The following SHKBP1 variants were observed in gnomAD, a reference collection of about 807,000 sequenced individuals.
SHKBP1 encodes the protein SH3KBP1 binding protein 1.
SHKBP1 carries 71 observed loss-of-function variants against 83.9 expected under a neutral mutation model. That is an observed-to-expected ratio of 0.85 (90% CI 0.70 to 1.03). The LOEUF is 1.03. Ranked by LOEUF, SHKBP1 falls within the 50% of genes least tolerant of loss-of-function variation. The pLI is 0.00. For missense variants in SHKBP1, 824 were observed against 982.4 expected, an observed-to-expected ratio of 0.84 and a Z score of 2.16; for synonymous variants, 371 against 398.0, an observed-to-expected ratio of 0.93 and a Z score of 0.81.
intron 9 of SHKBP1, among the ~76,000 whole-genome samples, chr19:40,581,321 GC>G (rs2081267975): frequency 6.6e-6 from 1 of 151,818 alleles, no homozygotes. Flanking sequence ...GACCCCCTTG[GC>G]CAACAGGGTG....
At chr19:40,586,742 A>G (rs755197843) in intron 12 of SHKBP1, 32 bp from the exon 13 acceptor site, 2 of 1,499,266 alleles carry the variant, frequency 1.3e-6, no homozygotes, top group Admixed American at 4.4e-5. Context: ...TCTGTGGCCC[A>G]GGCCCTCTCC....
Position 40,589,079 on chromosome 19 carries a change from C to G in SHKBP1, c.1493-3C>G. ...CCCTGACCCCTGCCCCTGCCTGGCC[C>G]AGGCCCCTACGGTGAGCGGGACGAC... On this transcript the variant is annotated splice_region_variant and splice_polypyrimidine_tract_variant and intron_variant, in intron 14 of 17. Transcript: ENST00000291842. 1 of 1,611,664 alleles carries G rather than the reference C, an allele frequency of 6.2e-7. No homozygotes were observed. Among genetic ancestry groups the G allele is most frequent in the Non-Finnish European group, 8.5e-7 (1 of 1,179,974 alleles).
intron 1 of SHKBP1, 44 bp from the exon 2 acceptor site, chr19:40,577,187 C>A (rs201243251): frequency 1.6e-4 from 253 of 1,608,794 alleles, no homozygotes; most frequent in Non-Finnish European, 2.1e-4. Context: ...CATTCCTCAC[C>A]CGCTCCTCTT....
At position 40,582,477 on chromosome 19, in the gene SHKBP1, T is replaced by C. The variant is rs2081277664; in HGVS notation, c.960+11T>C. The C allele has an allele frequency of 1.2e-6, 2 of 1,611,162 alleles. No homozygotes were observed. The highest frequency in any genetic ancestry group is 2.7e-5 in the African/African-American group (2 of 74,848). ...ACCAAGCACTGGCAGGTCAGAGTTC[T>C]GGCCAGCCTGGCTGCCCCCTTCCCA... On this transcript the variant is annotated intron_variant, in intron 10 of 17. Coordinates refer to ENST00000291842, the MANE Select transcript of SHKBP1 (RefSeq NM_138392.4).
At chr19:40,579,026 A>G (rs2081245998) in intron 6 of SHKBP1, among the ~76,000 whole-genome samples, 1 of 152,154 alleles carries the variant, frequency 6.6e-6, no homozygotes, top group African/African-American at 2.4e-5. Flanking sequence ...TACCTTCATG[A>G]AAGTTGCCAG....
At chr19:40,588,828 C>A in intron 14 of SHKBP1, 49 bp downstream of exon 14, 1 of 1,597,080 alleles carries the variant, frequency 6.3e-7, no homozygotes, top group Non-Finnish European at 8.5e-7. Flanking sequence ...CCTTACCTGA[C>A]CCCTGTTGAC....
At chr19:40,585,317 G>A (rs1249917149) in intron 12 of SHKBP1, among the ~76,000 whole-genome samples, 4 of 151,888 alleles carry the variant, frequency 2.6e-5, no homozygotes, top group Non-Finnish European at 5.9e-5. Flanking sequence ...ATGTTGCCCA[G>A]GCTACTCTTG....
At position 40,588,634 on chromosome 19, in the gene SHKBP1, C is replaced by T; in HGVS notation, c.1347C>T (p.Asp449=). The T allele has an allele frequency of 6.2e-7, 1 of 1,614,212 alleles. No homozygotes were observed. Among genetic ancestry groups the T allele is most frequent in the Non-Finnish European group, 8.5e-7 (1 of 1,180,034 alleles). The change falls in exon 14 of 18, where the codon GAC becomes GAT. Residue 449 remains aspartate (D), a synonymous_variant. Coordinates refer to ENST00000291842, the MANE Select transcript of SHKBP1 (RefSeq NM_138392.4). ...SEKHLISVCA[D]NNHVRTWSVT... ...CCTTGTGCCCCTCAGTCTGTGCCGA[C>T]AACAACCACGTGCGGACATGGTCTG...
chr19:40,584,900 A>G (rs79327687), intron 12 of SHKBP1, among the ~76,000 whole-genome samples: 1,811 of 152,304 alleles, frequency 0.012, 38 homozygotes, highest in African/African-American at 0.042. Flanking sequence ...GGGATCATAC[A>G]TTATATGGTC....
chr19:40,590,124 G>A lies in SHKBP1; in HGVS notation c.1590-120G>A. Reference sequence around the variant, plus strand: ...GGGACTGGAACTCAAAAGCAGGCTAGGGATGGATAAAGATTGGGATGGCCC... The same window carrying A: ...GGGACTGGAACTCAAAAGCAGGCTAAGGATGGATAAAGATTGGGATGGCCC... On this transcript the variant is annotated intron_variant, in intron 15 of 17. Coordinates refer to ENST00000291842, the MANE Select transcript of SHKBP1 (RefSeq NM_138392.4). The surrounding 1 kb of genome is among the most constrained non-coding windows in gnomAD (Gnocchi z 4.6). 2 of 1,172,794 alleles carry A rather than the reference G, an allele frequency of 1.7e-6. No homozygotes were observed. The highest frequency in any genetic ancestry group is 2.3e-6 in the Non-Finnish European group (2 of 855,286). The allele number at this position is 1,172,794 out of a possible 1,614,324, so 72.6% of individuals were successfully genotyped here.
chr19:40,580,182 T>C, intron 6 of SHKBP1, 142 bp from the exon 7 acceptor site: 1 of 918,218 alleles, frequency 1.1e-6, no homozygotes, highest in East Asian at 2.7e-5. Context: ...CATTTCATGC[T>C]GTGTCACTGC....
At chr19:40,587,168 A>G (rs1237634970) in intron 13 of SHKBP1, among the ~76,000 whole-genome samples, 1 of 152,198 alleles carries the variant, frequency 6.6e-6, no homozygotes, top group Non-Finnish European at 1.5e-5. Context: ...CCATCAATTC[A>G]GCAACGATTT....
intron 15 of SHKBP1, among the ~76,000 whole-genome samples, chr19:40,589,437 G>A (rs1373203410): frequency 7.0e-6 from 1 of 142,548 alleles, no homozygotes; most frequent in African/African-American, 2.6e-5. Context: ...GAAGGCACAG[G>A]GGGTGGGGTC....
rs1211698510 is a variant in SHKBP1, at chr19:40,583,663, G to A, written c.1111G>A (p.Asp371Asn). The stretch of plus-strand genomic sequence containing the variant: ...CCTCCTTGTCAGCGAGCTCTATCGG[G>A]ACCCAGCGGAGGATGGGGTCACCGC... ...NDLLVSELYR[D>N]PAEDGVTALS... The change falls in exon 12 of 18, where the codon GAC (aspartate) becomes AAC (asparagine). Residue 371 changes from aspartate to asparagine, a missense_variant. Physicochemically the swap from Asp to Asn is conservative, Grantham distance 23. Coordinates refer to ENST00000291842, the MANE Select transcript of SHKBP1 (RefSeq NM_138392.4). The A allele has an allele frequency of 6.2e-7, 1 of 1,613,960 alleles. No individual in the cohort carries two copies. Among genetic ancestry groups the A allele is most frequent in the Non-Finnish European group, 8.5e-7 (1 of 1,179,944 alleles).
chr19:40,579,305 T>C (rs879420846), intron 6 of SHKBP1, among the ~76,000 whole-genome samples: 3 of 152,096 alleles, frequency 2.0e-5, no homozygotes, highest in Non-Finnish European at 4.4e-5. Flanking sequence ...ATAATCATTT[T>C]AAATGCAAGC....
At position 40,590,938 on chromosome 19, in the gene SHKBP1, C is replaced by G; in HGVS notation, c.1893-38C>G. 1 of 1,576,612 alleles carries G rather than the reference C, an allele frequency of 6.3e-7. No individual in the cohort carries two copies. On this transcript the variant is annotated intron_variant, in intron 17 of 17. Coordinates refer to ENST00000291842, the MANE Select transcript of SHKBP1 (RefSeq NM_138392.4). This position sits in a 1 kb window ranked among gnomAD's most constrained non-coding sequence, Gnocchi z 4.6. ...CCCGGGGACAGAGTGGCCCAGCTGC[C>G]CCGTGATGACGTGCACTTACTGTCC... is the stretch of plus-strand genomic sequence containing the variant.
chr19:40,590,988 C>T lies in SHKBP1; in HGVS notation c.1905C>T (p.Ala635=). Residue 635 remains alanine, a synonymous_variant, in exon 18 of 18, where the codon GCC becomes GCT. Transcript: ENST00000291842. The surrounding 1 kb of genome is among the most constrained non-coding windows in gnomAD (Gnocchi z 4.6). The part of the protein sequence containing the change: ...PRISLTSLHS[A]SSNTSLSGHR... ...CTTACTTCCTCAGCCTCCACTCAGC[C>T]TCCAGCAACACCTCCTTGTCTGGCC... 1.2e-6 allele frequency: 2 copies of T among 1,605,324 alleles called. No homozygotes were observed. Among genetic ancestry groups the T allele is most frequent in the Non-Finnish European group, 1.7e-6 (2 of 1,173,072 alleles).
Position 40,590,921 on chromosome 19 carries a change from C to A in SHKBP1, c.1893-55C>A. On this transcript the variant is annotated intron_variant, in intron 17 of 17. Transcript: ENST00000291842. The surrounding 1 kb of genome is among the most constrained non-coding windows in gnomAD (Gnocchi z 4.6). ...GGGGACAGCATGGTGTTCCCGGGGA[C>A]AGAGTGGCCCAGCTGCCCCGTGATG... 6.4e-7 allele frequency: 1 copy of A among 1,571,148 alleles called. No individual in the cohort carries two copies. Among genetic ancestry groups the A allele is most frequent in the Non-Finnish European group, 8.7e-7 (1 of 1,150,324 alleles).
chr19:40,583,517 G>C lies in SHKBP1; in HGVS notation c.1048+32G>C, dbSNP rs1336176113. The C allele has an allele frequency of 5.6e-6, 9 of 1,612,372 alleles. 1 individual carries two copies. The South Asian group carries it at 8.8e-5, about 16-fold the overall frequency. On this transcript the variant is annotated intron_variant, in intron 11 of 17. Coordinates refer to ENST00000291842, the MANE Select transcript of SHKBP1 (RefSeq NM_138392.4). ...AGCAGCCTGTGTCCCGGGTGCCCGA[G>C]ACCCTCCCCTGGGAGAGGGGAAGGG...
Sources: gnomAD v4.1 joint callset for allele counts (sites outside exome capture counted in the v4.1 genomes callset) on GRCh38, gnomAD v4.1.1 for gene constraint, Gnocchi (gnomAD v3.1) non-coding constraint, MANE v1.5 for transcripts, NCBI Gene and HGNC (gene_info 2026-07-23, HGNC 2026-07-21) for gene names.